The following PAM variants were observed in gnomAD, a reference collection of about 807,000 sequenced individuals.
PAM encodes the protein peptidylglycine alpha-amidating monooxygenase, also known as peptidyl-glycine alpha-amidating monooxygenase.
A neutral mutation model predicts 122.1 loss-of-function variants in PAM; 72 were observed. The observed-to-expected ratio is 0.59, with a 90% confidence interval of 0.49 to 0.72. PAM has a LOEUF of 0.72. Ranked by LOEUF, PAM falls within the 30% of genes least tolerant of loss-of-function variation. The pLI, the probability that PAM is intolerant of heterozygous loss-of-function variation, is 0.00. For missense variants in PAM, 1,106 were observed against 1,183.7 expected, an observed-to-expected ratio of 0.93 and a Z score of 0.96; for synonymous variants, 389 against 404.4, an observed-to-expected ratio of 0.96 and a Z score of 0.46.
At chr5:102,874,283 G>A (rs1035645861) in intron 3 of PAM, among the ~76,000 whole-genome samples, 1 of 151,854 alleles carries the variant, frequency 6.6e-6, no homozygotes, top group Admixed American at 6.6e-5. Context: ...CTGCTTTGTC[G>A]GCAAGTGTCA....
chr5:102,783,576 T>G (rs1205022884), intron 1 of PAM, among the ~76,000 whole-genome samples: 1 of 152,138 alleles, frequency 6.6e-6, no homozygotes, highest in South Asian at 2.1e-4. Flanking sequence ...GAGAAAATAA[T>G]TTGCAGATTC....
At chr5:102,788,456 G>A (rs538554562) in intron 1 of PAM, among the ~76,000 whole-genome samples, 69 of 152,070 alleles carry the variant, frequency 4.5e-4, no homozygotes, top group African/African-American at 1.5e-3. Context: ...TAGAAACTAC[G>A]TTTCTCTCCT....
chr5:102,964,426 A>G (rs897842318), intron 14 of PAM, among the ~76,000 whole-genome samples: 2 of 151,884 alleles, frequency 1.3e-5, no homozygotes, highest in Non-Finnish European at 2.9e-5. Context: ...TGTACCTCAG[A>G]TTCTGTCTCA....
intron 5 of PAM, among the ~76,000 whole-genome samples, chr5:102,918,094 C>A (rs1311415030): frequency 1.3e-5 from 2 of 152,060 alleles, no homozygotes; most frequent in African/African-American, 4.8e-5. Flanking sequence ...GTGCTCAATT[C>A]CAAATTAACA....
At chr5:102,905,690 C>G (rs1206822193) in intron 4 of PAM, among the ~76,000 whole-genome samples, 1 of 151,522 alleles carries the variant, frequency 6.6e-6, no homozygotes, top group Admixed American at 6.6e-5. Context: ...AGGAGAGTAT[C>G]TGTGTATGTA....
chr5:102,893,125 T>C (rs1300109454), intron 3 of PAM, among the ~76,000 whole-genome samples: 1 of 151,764 alleles, frequency 6.6e-6, no homozygotes, highest in Non-Finnish European at 1.5e-5. Context: ...TTCCCTTTTT[T>C]ATTTGTCAGT....
intron 12 of PAM, among the ~76,000 whole-genome samples, chr5:102,953,372 C>G (rs1020283647): frequency 6.6e-6 from 1 of 152,016 alleles, no homozygotes; most frequent in East Asian, 1.9e-4. Flanking sequence ...TACTATTTAG[C>G]CTTTACAAGG....
intron 6 of PAM, among the ~76,000 whole-genome samples, chr5:102,925,863 A>G (rs770759824): frequency 1.3e-5 from 2 of 152,166 alleles, no homozygotes; most frequent in Non-Finnish European, 2.9e-5. Flanking sequence ...TATTAACAGT[A>G]AGACTAATAA....
chr5:102,755,561 A>C (rs924269106), intron 1 of PAM: 4 of 152,096 alleles, frequency 2.6e-5, no homozygotes, highest in Non-Finnish European at 5.9e-5. Flanking sequence ...TTGGGGACTG[A>C]GCTATTCTCG....
chr5:102,999,363 A>G (rs1264322364), intron 16 of PAM, among the ~76,000 whole-genome samples: 2 of 152,224 alleles, frequency 1.3e-5, no homozygotes, highest in Admixed American at 6.5e-5. Flanking sequence ...TGAGCAGTGT[A>G]CAGACCTCCT....
chr5:102,888,778 C>A (rs1793922611), intron 3 of PAM, among the ~76,000 whole-genome samples: 1 of 151,796 alleles, frequency 6.6e-6, no homozygotes, highest in South Asian at 2.1e-4. Flanking sequence ...GTCTTGGTTA[C>A]CTCCTTTTGT....
chr5:102,835,543 A>T (rs1327000369), intron 1 of PAM, among the ~76,000 whole-genome samples: 1 of 152,144 alleles, frequency 6.6e-6, no homozygotes, highest in African/African-American at 2.4e-5. Context: ...AATAGAAAAA[A>T]GTATACAAAA....
intron 14 of PAM, among the ~76,000 whole-genome samples, chr5:102,964,950 C>G (rs1034391012): frequency 6.6e-6 from 1 of 151,694 alleles, no homozygotes; most frequent in African/African-American, 2.4e-5. Context: ...TTGATTATGT[C>G]TGCCTACAGG....
At chr5:102,788,218 G>A (rs970841036) in intron 1 of PAM, among the ~76,000 whole-genome samples, 4 of 151,978 alleles carry the variant, frequency 2.6e-5, no homozygotes, top group African/African-American at 7.3e-5. Context: ...AACAAGGTGT[G>A]ATAATTTATA....
chr5:102,888,887 T>C (rs1336886018), intron 3 of PAM, among the ~76,000 whole-genome samples: 1 of 152,002 alleles, frequency 6.6e-6, no homozygotes, highest in Non-Finnish European at 1.5e-5. Flanking sequence ...CATGAACACT[T>C]GGCACCATTT....
intron 7 of PAM, among the ~76,000 whole-genome samples, chr5:102,938,669 A>G (rs1754085967): frequency 6.6e-6 from 1 of 152,100 alleles, no homozygotes; most frequent in South Asian, 2.1e-4. Context: ...AGAGCTACAT[A>G]GTCATCATCT....
chr5:102,831,883 T>A (rs1009632491), intron 1 of PAM, among the ~76,000 whole-genome samples: 1 of 152,064 alleles, frequency 6.6e-6, no homozygotes, highest in African/African-American at 2.4e-5. Flanking sequence ...TCTCTCTCTC[T>A]CTCTCTCTCT....
intron 1 of PAM, among the ~76,000 whole-genome samples, chr5:102,844,249 T>G (rs1168385095): frequency 6.6e-6 from 1 of 152,152 alleles, no homozygotes; most frequent in African/African-American, 2.4e-5. Flanking sequence ...CTTGAAACAA[T>G]AAGCTTTTTG....
At chr5:102,994,187 T>C (rs1774985564) in intron 16 of PAM, among the ~76,000 whole-genome samples, 1 of 152,130 alleles carries the variant, frequency 6.6e-6, no homozygotes, top group Non-Finnish European at 1.5e-5. Flanking sequence ...TCATCCAGTG[T>C]TTGAATTTTT....
Sources: allele counts gnomAD v4.1 joint callset (sites outside exome capture counted in the v4.1 genomes callset), GRCh38; gene constraint gnomAD v4.1.1; transcripts MANE v1.5; gene names NCBI Gene and HGNC (gene_info 2026-07-23, HGNC 2026-07-21).